Variants in CFAP47 observed in about 807,000 individuals in gnomAD.
The protein encoded by CFAP47 is cilia- and flagella-associated protein 47.
A neutral mutation model predicts 148.1 loss-of-function variants in CFAP47; 29 were observed. The ratio of observed to expected loss-of-function variants is 0.20; its 90% CI spans 0.15 to 0.27. CFAP47 has a LOEUF of 0.27. CFAP47 is among the 10% of genes least tolerant of loss of function. The probability of loss-of-function intolerance (pLI) is 1.00; values close to 1 mark genes in which losing one functional copy is unlikely to be tolerated. For synonymous variants in CFAP47, 664 were observed against 577.3 expected (o/e 1.15, Z -2.15); for missense variants, 1,872 against 1,697.5 (o/e 1.10, Z -1.81).
chrX:36,371,823 TACACAC>T (rs782367581), intron 62 of CFAP47, among the ~76,000 whole-genome samples: 2 of 74,668 alleles, frequency 2.7e-5, no homozygotes, highest in African/African-American at 1.1e-4. Flanking sequence ...TGTGTGCATA[TACACAC>T]ATGTGTGTAT....
At chrX:36,160,179 T>C (rs56859649) in intron 38 of CFAP47, among the ~76,000 whole-genome samples, 2 of 111,435 alleles carry the variant, frequency 1.8e-5, no homozygotes, top group Non-Finnish European at 3.8e-5. Flanking sequence ...AGGAAGGCAC[T>C]GAGATGCTCA....
chrX:36,153,671 C>T (rs191647252), intron 37 of CFAP47, among the ~76,000 whole-genome samples: 3 of 112,560 alleles, frequency 2.7e-5, no homozygotes, highest in Non-Finnish European at 5.6e-5. Flanking sequence ...TAGGTGAAGG[C>T]ATGCACTTTC....
rs1374956736 is a variant in CFAP47 at position 36,384,811 on chromosome X, C to T, written c.9369C>T (p.Tyr3123=). The T allele has an allele frequency of 1.0e-5, 12 of 1,162,077 alleles. No homozygotes were observed. The highest frequency in any genetic ancestry group is 1.8e-5 in the African/African-American group (1 of 55,485). Residue 3123 remains tyrosine, a synonymous_variant, in exon 64 of 64, where the codon TAC becomes TAT. Coordinates refer to ENST00000378653, the MANE Select transcript of CFAP47 (RefSeq NM_001304548.2). ...TTTCTATCCAGACAGAAGAAATGTACTGGAAGTATGAGATCAATGGATTAA... is the reference window on the plus strand; with the variant it reads ...TTTCTATCCAGACAGAAGAAATGTATTGGAAGTATGAGATCAATGGATTAA... ...ATLVIQTEEM[Y]WKYEINGLTP...
At chrX:35,990,996 T>A (rs1936783175) in intron 16 of CFAP47, among the ~76,000 whole-genome samples, 2 of 111,826 alleles carry the variant, frequency 1.8e-5, no homozygotes, top group South Asian at 7.3e-4. Context: ...TAGGAGTTTT[T>A]TCAACTGTAA....
intron 25 of CFAP47, among the ~76,000 whole-genome samples, chrX:36,046,118 T>C (rs923358196): frequency 8.1e-5 from 9 of 111,026 alleles, no homozygotes; most frequent in African/African-American, 2.6e-4. Context: ...CTCATACTGA[T>C]TAAAATAGCA....
At chrX:36,072,294 G>C (rs191921604) in intron 28 of CFAP47, among the ~76,000 whole-genome samples, 1 of 111,950 alleles carries the variant, frequency 8.9e-6, no homozygotes, top group East Asian at 2.8e-4. Flanking sequence ...CTGTCTAATA[G>C]ATGTTGCAGT....
chrX:36,349,506 G>A (rs782178751), intron 58 of CFAP47, among the ~76,000 whole-genome samples: 16 of 111,255 alleles, frequency 1.4e-4, no homozygotes, highest in South Asian at 7.6e-4. Flanking sequence ...CAAGTGATCC[G>A]CCTGCCTCAG....
intron 10 of CFAP47, among the ~76,000 whole-genome samples, chrX:35,970,550 A>AT (rs763485246): frequency 5.4e-5 from 6 of 110,518 alleles, no homozygotes; most frequent in Non-Finnish European, 9.5e-5. Flanking sequence ...CTTACAACGG[A>AT]TTTTTTTTAT....
chrX:36,111,010 A>G (rs1038023947), intron 33 of CFAP47, among the ~76,000 whole-genome samples: 1 of 111,662 alleles, frequency 9.0e-6, no homozygotes, highest in Non-Finnish European at 1.9e-5. Flanking sequence ...TTGGGTTGAG[A>G]CTAAGGAGTT....
intron 15 of CFAP47, among the ~76,000 whole-genome samples, chrX:35,985,394 G>A (rs1002673800): frequency 6.3e-5 from 7 of 111,164 alleles, no homozygotes; most frequent in Non-Finnish European, 1.3e-4. Flanking sequence ...TGCCAGCAGG[G>A]GAGGAGAGGG....
intron 2 of CFAP47, among the ~76,000 whole-genome samples, chrX:35,935,349 A>G (rs1434793142): frequency 9.0e-6 from 1 of 111,604 alleles, no homozygotes; most frequent in Non-Finnish European, 1.9e-5. Context: ...GTGACAGGGC[A>G]GCAGTGAGTT....
intron 45 of CFAP47, among the ~76,000 whole-genome samples, chrX:36,218,236 C>G (rs1940178565): frequency 8.9e-6 from 1 of 112,576 alleles, no homozygotes; most frequent in African/African-American, 3.2e-5. Flanking sequence ...TCCCTTGCTT[C>G]TTTCCATGTG....
chrX:36,000,966 T>G (rs1936907380), intron 20 of CFAP47, among the ~76,000 whole-genome samples: 1 of 111,712 alleles, frequency 9.0e-6, no homozygotes, highest in Non-Finnish European at 1.9e-5. Context: ...TGTATAATGC[T>G]TATGGCTGCT....
intron 1 of CFAP47, among the ~76,000 whole-genome samples, chrX:35,923,853 A>G (rs765494560): frequency 6.1e-4 from 58 of 95,763 alleles, no homozygotes; most frequent in South Asian, 3.2e-3. Context: ...ATATGTGTGT[A>G]TATATATATG....
chrX:36,244,995 A>G (rs958273422), intron 48 of CFAP47, among the ~76,000 whole-genome samples: 1 of 112,203 alleles, frequency 8.9e-6, no homozygotes, highest in Non-Finnish European at 1.9e-5. Flanking sequence ...GAAGCACATT[A>G]AAAAGTCAAT....
intron 57 of CFAP47, among the ~76,000 whole-genome samples, chrX:36,340,661 T>A (rs889110503): frequency 9.0e-6 from 1 of 111,610 alleles, no homozygotes; most frequent in Non-Finnish European, 1.9e-5. Context: ...TTTAAAGGCC[T>A]AACCTCCAAA....
intron 37 of CFAP47, among the ~76,000 whole-genome samples, chrX:36,150,255 A>G (rs1939292252): frequency 8.9e-6 from 1 of 112,022 alleles, no homozygotes; most frequent in Non-Finnish European, 1.9e-5. Flanking sequence ...TCCAGAGAAT[A>G]GTTTTGGGAA....
chrX:36,100,506 A>G (rs910605782), intron 32 of CFAP47, among the ~76,000 whole-genome samples: 17 of 112,035 alleles, frequency 1.5e-4, no homozygotes, highest in African/African-American at 5.2e-4. Context: ...CTGTACCCTT[A>G]TTGCATAAGC....
chrX:36,178,099 C>T (rs1355469703), intron 39 of CFAP47, among the ~76,000 whole-genome samples: 1 of 111,718 alleles, frequency 9.0e-6, no homozygotes, highest in Admixed American at 9.6e-5. Flanking sequence ...CCAATTACCA[C>T]ATGTCCTTAT....
Sources: allele counts gnomAD v4.1 joint callset (sites outside exome capture counted in the v4.1 genomes callset), GRCh38; gene constraint gnomAD v4.1.1; transcripts MANE v1.5; gene names NCBI Gene and HGNC (gene_info 2026-07-23, HGNC 2026-07-21).